ADRA2A: variants seen among roughly 807,000 people sequenced by gnomAD.
ADRA2A encodes alpha-2A adrenergic receptor.
ADRA2A carries 6 observed loss-of-function variants against 5.9 expected under a neutral mutation model. The observed-to-expected ratio is 1.01, with a 90% CI of 0.55 to 2.00. The LOEUF (loss-of-function observed/expected upper bound fraction) is 2.00, where lower values mean the gene tolerates loss of function less well. Among genes scored for constraint, ADRA2A ranks in the 30% most tolerant of loss-of-function variants. The pLI is 0.00. For synonymous variants in ADRA2A, 345 were observed against 325.9 expected (o/e 1.06, Z -0.63); for missense variants, 647 against 690.0 (o/e 0.94, Z 0.70).
Position 111,080,480 on chromosome 10 carries a change from A to C in ADRA2A, c.*1086A>C, listed in dbSNP as rs1843582130. 1 of 167,004 alleles carries C rather than the reference A, an allele frequency of 6.0e-6. No individual in the cohort carries two copies. The highest frequency in any genetic ancestry group is 2.1e-4 in the South Asian group (1 of 4,822). The allele number at this position is 167,004 out of a possible 1,614,324, so 10.3% of individuals were successfully genotyped here. On this transcript the variant is annotated 3_prime_UTR_variant, in exon 1 of 1. Transcript: ENST00000280155. ...GAAGCAAACCTGATACAATTTGCCCAAGGTAAACAGTTTGAAAAGACAAAT... is the reference window on the plus strand; with the variant it reads ...GAAGCAAACCTGATACAATTTGCCCCAGGTAAACAGTTTGAAAAGACAAAT...
chr10:111,079,028 C>T lies in ADRA2A; in HGVS notation c.1032C>T (p.Gly344=). ...GKARASQVKP[G]DSLPRRGPGA... Reference sequence around the variant, plus strand: ...CCCGAGCGAGCCAGGTGAAGCCGGGCGACAGCCTGCCGCGGCGCGGGCCGG... The same window carrying T: ...CCCGAGCGAGCCAGGTGAAGCCGGGTGACAGCCTGCCGCGGCGCGGGCCGG... Residue 344 remains glycine (G), a synonymous_variant, in exon 1 of 1, where the codon GGC becomes GGT. Coordinates refer to ENST00000280155, the MANE Select transcript of ADRA2A (RefSeq NM_000681.4). 1.6e-6 allele frequency: 2 copies of T among 1,262,216 alleles called. No homozygotes were observed. Among genetic ancestry groups the T allele is most frequent in the Non-Finnish European group, 2.0e-6 (2 of 1,008,620 alleles). The allele number at this position is 1,262,216 out of a possible 1,614,324, so 78.2% of individuals were successfully genotyped here. A position where few individuals can be genotyped will look rare whatever the true frequency, so the allele number is the denominator to read the frequency against.
At position 111,078,070 on chromosome 10, in the gene ADRA2A, A is replaced by G. The variant is rs1368766249; in HGVS notation, c.74A>G (p.Asn25Ser). ...PMGSLQPDAG[N>S]ASWNGTEAPG... ...GGCTCCCTGCAGCCGGACGCGGGCA[A>G]CGCGAGCTGGAACGGGACCGAGGCG... The change falls in exon 1 of 1, where the codon AAC becomes AGC. Residue 25 changes from asparagine to serine, a missense_variant. Transcript: ENST00000280155. 6.5e-7 allele frequency: 1 copy of G among 1,546,144 alleles called. No homozygotes were observed. The highest frequency in any genetic ancestry group is 2.0e-5 in the Admixed American group (1 of 50,366).
rs775375141 is a variant in ADRA2A, at chr10:111,078,897, C to G, written c.901C>G (p.Arg301Gly). The stretch of plus-strand genomic sequence containing the variant: ...TGGCGAGCCCGCGCCGGCCGGGCCG[C>G]GCGACACCGACGCGCTGGACCTGGA... ...APGEPAPAGPRDTDALDLEES... is the reference protein window; with the variant it reads ...APGEPAPAGPGDTDALDLEES... The change falls in exon 1 of 1, where the codon CGC becomes GGC. Residue 301 changes from arginine (R) to glycine (G), a missense_variant. By Grantham distance (125) the Arg-to-Gly change is moderately radical. Coordinates refer to ENST00000280155, the MANE Select transcript of ADRA2A (RefSeq NM_000681.4). 4 of 1,209,484 alleles carry G rather than the reference C, an allele frequency of 3.3e-6. No homozygotes were observed. The highest frequency in any genetic ancestry group is 4.1e-6 in the Non-Finnish European group (4 of 974,728). The allele number at this position is 1,209,484 out of a possible 1,614,324, so 74.9% of individuals were successfully genotyped here.
rs1800038 is a variant in ADRA2A at position 111,079,134 on chromosome 10, C to A, written c.1138C>A (p.Arg380=). The change falls in exon 1 of 1, where the codon CGG becomes AGG. Residue 380 remains arginine, a synonymous_variant. Transcript: ENST00000280155. ...GAAKASRWRG[R]QNREKRFTFV... is the part of the protein sequence containing the mutation. ...TGCCAAGGCGTCGCGCTGGCGCGGG[C>A]GGCAGAACCGCGAGAAGCGCTTCAC... 0.029 allele frequency: 46,139 copies of A among 1,602,504 alleles called. 4,179 individuals are homozygous for A. The East Asian group carries it at 0.3, about 10-fold the overall frequency.
In ADRA2A at chr10:111,078,458, C is replaced by A. The variant is rs1843558925; in HGVS notation, c.462C>A (p.Ile154=). The A allele has an allele frequency of 6.2e-7, 1 of 1,613,694 alleles. No individual in the cohort carries two copies. Among genetic ancestry groups the A allele is most frequent in the Non-Finnish European group, 8.5e-7 (1 of 1,180,024 alleles). The change falls in exon 1 of 1, where the codon ATC becomes ATA. Residue 154 remains isoleucine (I), a synonymous_variant. Coordinates refer to ENST00000280155, the MANE Select transcript of ADRA2A (RefSeq NM_000681.4). ...LDRYWSITQA[I]EYNLKRTPRR... is the part of the protein sequence containing the mutation. ...GCTACTGGTCCATCACACAGGCCAT[C>A]GAGTACAACCTGAAGCGCACGCCGC...
chr10:111,077,125 C>G lies in ADRA2A; in HGVS notation c.-872C>G, dbSNP rs1843539783. 1 of 152,752 alleles carries G rather than the reference C, an allele frequency of 6.5e-6. No individual in the cohort carries two copies. The highest frequency in any genetic ancestry group is 6.5e-5 in the Admixed American group (1 of 15,286). 9.5% of individuals were successfully genotyped at this position (152,752 alleles called of 1,614,324 possible). A position where few individuals can be genotyped will look rare whatever the true frequency, so the allele number is the denominator to read the frequency against. On this transcript the variant is annotated 5_prime_UTR_variant, in exon 1 of 1. Transcript: ENST00000280155. Reference sequence around the variant, plus strand: ...TTCTTCCCCGCCTTGCGCTCCTGCCCCAACTCGCGCTGTCGTCGGACCCCG... The same window carrying G: ...TTCTTCCCCGCCTTGCGCTCCTGCCGCAACTCGCGCTGTCGTCGGACCCCG...
chr10:111,078,524 G>A lies in ADRA2A; in HGVS notation c.528G>A (p.Ser176=). ...TCATCATCACCGTGTGGGTCATCTCGGCCGTCATCTCCTTCCCGCCGCTCA... is the reference window on the plus strand; with the variant it reads ...TCATCATCACCGTGTGGGTCATCTCAGCCGTCATCTCCTTCCCGCCGCTCA... The part of the protein sequence containing the change: ...KAIIITVWVI[S]AVISFPPLIS... Residue 176 remains serine, a synonymous_variant, in exon 1 of 1, where the codon TCG becomes TCA. Coordinates refer to ENST00000280155, the MANE Select transcript of ADRA2A (RefSeq NM_000681.4). 6.2e-7 allele frequency: 1 copy of A among 1,610,078 alleles called. No individual in the cohort carries two copies. Among genetic ancestry groups the A allele is most frequent in the Non-Finnish European group, 8.5e-7 (1 of 1,177,702 alleles).
chr10:111,079,440 G>A lies in ADRA2A; in HGVS notation c.*46G>A, dbSNP rs751995817. ...TAGACTCACGCTGACTGCAGGCAGC[G>A]GGGGGCATCGAGGGGTGCTTAGCCC... is the stretch of plus-strand genomic sequence containing the variant. On this transcript the variant is annotated 3_prime_UTR_variant, in exon 1 of 1. Transcript: ENST00000280155. The A allele has an allele frequency of 4.4e-6, 7 of 1,595,558 alleles. No individual in the cohort carries two copies. The highest frequency in any genetic ancestry group is 1.1e-5 in the South Asian group (1 of 89,914).
chr10:111,078,350 G>A lies in ADRA2A; in HGVS notation c.354G>A (p.Lys118=). Reference sequence around the variant, plus strand: ...TCATGGGCTACTGGTACTTCGGCAAGGCTTGGTGCGAGATCTACCTGGCGC... The same window carrying A: ...TCATGGGCTACTGGTACTTCGGCAAAGCTTGGTGCGAGATCTACCTGGCGC... ...NEVMGYWYFG[K]AWCEIYLALD... is the part of the protein sequence containing the mutation. Residue 118 remains lysine (K), a synonymous_variant, in exon 1 of 1, where the codon AAG becomes AAA. Coordinates refer to ENST00000280155, the MANE Select transcript of ADRA2A (RefSeq NM_000681.4). 6.2e-7 allele frequency: 1 copy of A among 1,614,076 alleles called. No individual in the cohort carries two copies. Among genetic ancestry groups the A allele is most frequent in the Non-Finnish European group, 8.5e-7 (1 of 1,180,022 alleles).
Position 111,078,098 on chromosome 10 carries a change from G to A in ADRA2A, c.102G>A (p.Pro34=), listed in dbSNP as rs756268644. The change falls in exon 1 of 1, where the codon CCG becomes CCA. Residue 34 remains proline (P), a synonymous_variant. Coordinates refer to ENST00000280155, the MANE Select transcript of ADRA2A (RefSeq NM_000681.4). ...GNASWNGTEA[P]GGGARATPYS... is the part of the protein sequence containing the mutation. ...CGAGCTGGAACGGGACCGAGGCGCC[G>A]GGGGGCGGCGCCCGGGCCACCCCTT... 3.8e-6 allele frequency: 6 copies of A among 1,566,442 alleles called. No homozygotes were observed. Among genetic ancestry groups the A allele is most frequent in the Middle Eastern group, 1.8e-4 (1 of 5,636 alleles).
Position 111,078,953 on chromosome 10 carries a change from G to C in ADRA2A, c.957G>C (p.Arg319=). Residue 319 remains arginine, a synonymous_variant, in exon 1 of 1, where the codon CGG becomes CGC. Transcript: ENST00000280155. ...GCTCGTCTTCCGACCACGCCGAGCGGCCTCCAGGGCCCCGCAGACCCGAGC... is the reference window on the plus strand; with the variant it reads ...GCTCGTCTTCCGACCACGCCGAGCGCCCTCCAGGGCCCCGCAGACCCGAGC... ...EESSSSDHAE[R]PPGPRRPERG... is the part of the protein sequence containing the mutation. 1 of 1,238,436 alleles carries C rather than the reference G, an allele frequency of 8.1e-7. No homozygotes were observed. The highest frequency in any genetic ancestry group is 3.0e-5 in the South Asian group (1 of 32,982). The allele number at this position is 1,238,436 out of a possible 1,614,324, so 76.7% of individuals were successfully genotyped here.
In ADRA2A at chr10:111,079,679, C is replaced by A; in HGVS notation, c.*285C>A. 1.9e-6 allele frequency: 1 copy of A among 531,850 alleles called. No homozygotes were observed. The highest frequency in any genetic ancestry group is 3.5e-6 in the Non-Finnish European group (1 of 288,052). The allele number at this position is 531,850 out of a possible 1,614,324, so 32.9% of individuals were successfully genotyped here. Reference sequence around the variant, plus strand: ...CACTATTGCTTCCTAAAGGTATTTTCACCCTCTTCGCCTGGTACAGCCCTC... The same window carrying A: ...CACTATTGCTTCCTAAAGGTATTTTAACCCTCTTCGCCTGGTACAGCCCTC... On this transcript the variant is annotated 3_prime_UTR_variant, in exon 1 of 1. Coordinates refer to ENST00000280155, the MANE Select transcript of ADRA2A (RefSeq NM_000681.4).
chr10:111,079,144 G>T lies in ADRA2A; in HGVS notation c.1148G>T (p.Arg383Leu), dbSNP rs748646629. The T allele has an allele frequency of 6.2e-7, 1 of 1,607,770 alleles. No individual in the cohort carries two copies. Among genetic ancestry groups the T allele is most frequent in the Non-Finnish European group, 8.5e-7 (1 of 1,176,492 alleles). The change falls in exon 1 of 1, where the codon CGC becomes CTC. Residue 383 changes from arginine (R) to leucine (L), a missense_variant. Arg to Leu is a moderately radical substitution (Grantham distance 102). Around this residue, in one of 3 missense-constraint regions of ADRA2A, gnomAD observed 577 missense variants for 605.4 expected, o/e 0.95. Transcript: ENST00000280155. ...KASRWRGRQN[R>L]EKRFTFVLAV... is the part of the protein sequence containing the mutation. ...TCGCGCTGGCGCGGGCGGCAGAACCGCGAGAAGCGCTTCACGTTCGTGCTG... is the reference window on the plus strand; with the variant it reads ...TCGCGCTGGCGCGGGCGGCAGAACCTCGAGAAGCGCTTCACGTTCGTGCTG...
chr10:111,077,990 C>T lies in ADRA2A; in HGVS notation c.-7C>T, dbSNP rs1843550323. 1 of 1,390,276 alleles carries T rather than the reference C, an allele frequency of 7.2e-7. No homozygotes were observed. The highest frequency in any genetic ancestry group is 9.3e-7 in the Non-Finnish European group (1 of 1,079,720). 86.1% of individuals were successfully genotyped at this position (1,390,276 alleles called of 1,614,324 possible). ...CAGCAGGCCCAGGCCAGCGGGCGCC[C>T]GCGTTCATGTTCCGCCAGGAGCAGC... On this transcript the variant is annotated 5_prime_UTR_variant, in exon 1 of 1. Coordinates refer to ENST00000280155, the MANE Select transcript of ADRA2A (RefSeq NM_000681.4).
At position 111,078,326 on chromosome 10, in the gene ADRA2A, C is replaced by G. The variant is rs1287175289; in HGVS notation, c.330C>G (p.Val110=). The G allele has an allele frequency of 2.5e-6, 4 of 1,613,940 alleles. No individual in the cohort carries two copies. The Admixed American group carries it at 6.7e-5, about 27-fold the overall frequency. ...TCCCTTTCTCGCTGGCCAACGAGGT[C>G]ATGGGCTACTGGTACTTCGGCAAGG... ...LVIPFSLANE[V]MGYWYFGKAW... The change falls in exon 1 of 1, where the codon GTC becomes GTG. Residue 110 remains valine (V), a synonymous_variant. Coordinates refer to ENST00000280155, the MANE Select transcript of ADRA2A (RefSeq NM_000681.4).
rs1178408507 is a variant in ADRA2A at position 111,078,099 on chromosome 10, G to C, written c.103G>C (p.Gly35Arg). Residue 35 changes from glycine to arginine, a missense_variant, in exon 1 of 1, where the codon GGG becomes CGG. By Grantham distance (125) the Gly-to-Arg change is moderately radical. Transcript: ENST00000280155. ...NASWNGTEAP[G>R]GGARATPYSL... Reference sequence around the variant, plus strand: ...GAGCTGGAACGGGACCGAGGCGCCGGGGGGCGGCGCCCGGGCCACCCCTTA... The same window carrying C: ...GAGCTGGAACGGGACCGAGGCGCCGCGGGGCGGCGCCCGGGCCACCCCTTA... 4 of 1,569,632 alleles carry C rather than the reference G, an allele frequency of 2.5e-6. No individual in the cohort carries two copies. The East Asian group carries it at 7.0e-5, about 28-fold the overall frequency.
At position 111,078,425 on chromosome 10, in the gene ADRA2A, C is replaced by A; in HGVS notation, c.429C>A (p.Ser143Arg). The change falls in exon 1 of 1, where the codon AGC (serine) becomes AGA (arginine). Residue 143 changes from serine to arginine, a missense_variant. By Grantham distance (110) the Ser-to-Arg change is moderately radical. Coordinates refer to ENST00000280155, the MANE Select transcript of ADRA2A (RefSeq NM_000681.4). ...TSSIVHLCAI[S>R]LDRYWSITQA... The stretch of plus-strand genomic sequence containing the variant: ...CCATCGTGCACCTGTGCGCCATCAG[C>A]CTGGACCGCTACTGGTCCATCACAC... 6.2e-7 allele frequency: 1 copy of A among 1,614,034 alleles called. No homozygotes were observed. The highest frequency in any genetic ancestry group is 8.5e-7 in the Non-Finnish European group (1 of 1,180,028).
At position 111,080,386 on chromosome 10, in the gene ADRA2A, A is replaced by C. The variant is rs1300169328; in HGVS notation, c.*992A>C. 2 of 166,854 alleles carry C rather than the reference A, an allele frequency of 1.2e-5. No individual in the cohort carries two copies. The highest frequency in any genetic ancestry group is 1.3e-4 in the Admixed American group (2 of 15,266). 10.3% of individuals were successfully genotyped at this position (166,854 alleles called of 1,614,324 possible). On this transcript the variant is annotated 3_prime_UTR_variant, in exon 1 of 1. Coordinates refer to ENST00000280155, the MANE Select transcript of ADRA2A (RefSeq NM_000681.4). ...ATGTCTGTGTGCCCCTCCTGCCCCG[A>C]AAGTGCTGACTATGGGGAAATCTTT... is the stretch of plus-strand genomic sequence containing the variant.
rs1843556357 is a variant in ADRA2A, at chr10:111,078,305, T to C, written c.309T>C (p.Pro103=). ...TCCTGGTGGCCACGCTCGTCATCCC[T>C]TTCTCGCTGGCCAACGAGGTCATGG... ...ADILVATLVI[P]FSLANEVMGY... The change falls in exon 1 of 1, where the codon CCT becomes CCC. Residue 103 remains proline, a synonymous_variant. Transcript: ENST00000280155. 2 of 1,613,964 alleles carry C rather than the reference T, an allele frequency of 1.2e-6. No individual in the cohort carries two copies. Among genetic ancestry groups the C allele is most frequent in the Non-Finnish European group, 8.5e-7 (1 of 1,180,002 alleles).
Sources: allele counts gnomAD v4.1 joint callset, GRCh38; gene constraint gnomAD v4.1.1; regional missense constraint gnomAD v4.1.1; transcripts MANE v1.5; gene names NCBI Gene and HGNC (gene_info 2026-07-23, HGNC 2026-07-21).